VWC2: variants seen among roughly 807,000 people sequenced by gnomAD.
VWC2 encodes von Willebrand factor C domain containing 2, also known as brorin.
In VWC2, 14 loss-of-function variants were observed where a neutral mutation model predicts 29.8. That is an observed-to-expected ratio of 0.47 (90% CI 0.31 to 0.74). The LOEUF is 0.74. Among genes scored for constraint, VWC2 ranks in the 30% least tolerant of loss-of-function variants. VWC2 has a pLI of 0.05. For synonymous variants in VWC2, 213 were observed against 199.0 expected (o/e 1.07, Z -0.59); for missense variants, 457 against 459.8 (o/e 0.99, Z 0.05).
intron 3 of VWC2, among the ~76,000 whole-genome samples, chr7:49,892,031 A>ATTTTTTTTTTTT (rs536880676): frequency 1.9e-5 from 1 of 53,202 alleles, no homozygotes; most frequent in Non-Finnish European, 3.3e-5. Flanking sequence ...GACAAAGTAG[A>ATTTTTTTTTTTT]TTTTTTTTTT....
intron 2 of VWC2, among the ~76,000 whole-genome samples, chr7:49,802,399 A>T (rs1420896015): frequency 6.6e-6 from 1 of 152,156 alleles, no homozygotes; most frequent in Non-Finnish European, 1.5e-5. Flanking sequence ...GCACTTTGGG[A>T]GGCTGAGGCG....
intron 3 of VWC2, among the ~76,000 whole-genome samples, chr7:49,867,182 A>G (rs1191834972): frequency 6.6e-6 from 1 of 152,254 alleles, no homozygotes; most frequent in South Asian, 2.1e-4. Flanking sequence ...TTTCCCTTTC[A>G]GTCAACTTCA....
intron 3 of VWC2, among the ~76,000 whole-genome samples, chr7:49,904,080 G>A (rs1792946063): frequency 6.6e-6 from 1 of 152,096 alleles, no homozygotes; most frequent in Non-Finnish European, 1.5e-5. Flanking sequence ...TATACACATG[G>A]CTGGCAGAGA....
At chr7:49,820,302 TG>T (rs1248799491) in intron 3 of VWC2, among the ~76,000 whole-genome samples, 3 of 152,220 alleles carry the variant, frequency 2.0e-5, no homozygotes, top group Non-Finnish European at 4.4e-5. Flanking sequence ...ATGATTACCG[TG>T]GCAGCCCGCA....
At chr7:49,802,254 G>A (rs34962959) in intron 2 of VWC2, among the ~76,000 whole-genome samples, 16,724 of 152,204 alleles carry the variant, frequency 0.11, 987 homozygotes, top group African/African-American at 0.13. Context: ...CACCCAGCAT[G>A]CCTGTGTCCA....
intron 3 of VWC2, among the ~76,000 whole-genome samples, chr7:49,827,151 TAC>T (rs1332599102): frequency 6.6e-6 from 1 of 152,124 alleles, no homozygotes; most frequent in African/African-American, 2.4e-5. Flanking sequence ...ATTCTGTTAA[TAC>T]AGTTATGTCA....
chr7:49,839,918 C>T (rs1789754849), intron 3 of VWC2, among the ~76,000 whole-genome samples: 1 of 152,190 alleles, frequency 6.6e-6, no homozygotes, highest in Non-Finnish European at 1.5e-5. Flanking sequence ...TAGCTGTTTT[C>T]CCAAATGAAT....
At chr7:49,774,145 G>A (rs1415821235) in intron 1 of VWC2, 32 bp downstream of exon 1, 1 of 152,330 alleles carries the variant, frequency 6.6e-6, no homozygotes, top group African/African-American at 2.4e-5. Flanking sequence ...CTTCAGGGCT[G>A]AGGGTGCATG....
intron 3 of VWC2, among the ~76,000 whole-genome samples, chr7:49,820,367 C>T (rs113755842): frequency 2.5e-4 from 38 of 152,270 alleles, no homozygotes; most frequent in African/African-American, 8.4e-4. Flanking sequence ...ACTCTCCCCT[C>T]TGGCTCCCAT....
At chr7:49,830,894 A>C (rs1789511200) in intron 3 of VWC2, among the ~76,000 whole-genome samples, 1 of 152,148 alleles carries the variant, frequency 6.6e-6, no homozygotes, top group South Asian at 2.1e-4. Context: ...TATATGTGCC[A>C]CATTTTCTTA....
At chr7:49,792,210 G>A (rs1199834051) in intron 2 of VWC2, among the ~76,000 whole-genome samples, 1 of 152,180 alleles carries the variant, frequency 6.6e-6, no homozygotes, top group Non-Finnish European at 1.5e-5. Flanking sequence ...GATACCAGCG[G>A]ACGACTGTAA....
chr7:49,872,934 A>AAAAAAAAAAAAAAAAAAAAAAG (rs1554337537), intron 3 of VWC2, among the ~76,000 whole-genome samples: 1 of 148,592 alleles, frequency 6.7e-6, no homozygotes, highest in African/African-American at 2.5e-5. Flanking sequence ...AAAAAAAAAA[A>AAAAAAAAAAAAAAAAAAAAAAG]AAAGAAAGAA....
At chr7:49,905,756 T>C (rs990606660) in intron 3 of VWC2, among the ~76,000 whole-genome samples, 2 of 152,072 alleles carry the variant, frequency 1.3e-5, no homozygotes, top group Non-Finnish European at 2.9e-5. Context: ...AGTCACGAGA[T>C]AGGATGTTGG....
intron 3 of VWC2, among the ~76,000 whole-genome samples, chr7:49,893,998 G>A (rs1350114044): frequency 6.6e-6 from 1 of 152,146 alleles, no homozygotes; most frequent in Non-Finnish European, 1.5e-5. Flanking sequence ...GCTCCATGGG[G>A]GCTGTGTCAT....
chr7:49,797,776 A>G (rs1364933992), intron 2 of VWC2, among the ~76,000 whole-genome samples: 1 of 152,190 alleles, frequency 6.6e-6, no homozygotes, highest in Non-Finnish European at 1.5e-5. Flanking sequence ...TTTGGATCCA[A>G]CAAATTTTTC....
intron 2 of VWC2, among the ~76,000 whole-genome samples, chr7:49,793,355 T>G (rs1788509325): frequency 6.6e-6 from 1 of 152,036 alleles, no homozygotes; most frequent in Admixed American, 6.6e-5. Context: ...TTAATGAAAT[T>G]GAAGTGTACA....
At chr7:49,791,841 A>G (rs1375931118) in intron 2 of VWC2, among the ~76,000 whole-genome samples, 1 of 152,228 alleles carries the variant, frequency 6.6e-6, no homozygotes, top group Non-Finnish European at 1.5e-5. Context: ...TCAGTCTGTA[A>G]AAATCAAGCT....
chr7:49,843,660 G>T (rs1789851235), intron 3 of VWC2, among the ~76,000 whole-genome samples: 1 of 152,196 alleles, frequency 6.6e-6, no homozygotes, highest in Non-Finnish European at 1.5e-5. Context: ...TGTCCCAGAG[G>T]GCTAGAGTCC....
Position 49,775,636 on chromosome 7 carries a change from G to A in VWC2, c.201G>A (p.Arg67=). The A allele has an allele frequency of 1.3e-6, 2 of 1,529,736 alleles. No individual in the cohort carries two copies. The highest frequency in any genetic ancestry group is 1.8e-6 in the Non-Finnish European group (2 of 1,141,276). 94.8% of individuals were successfully genotyped at this position (1,529,736 alleles called of 1,614,324 possible). A position where few individuals can be genotyped will look rare whatever the true frequency, so the allele number is the denominator to read the frequency against. ...GRVNELGRPA[R]DEGGSGRDWK... is the part of the protein sequence containing the mutation. ...TGAACGAGCTCGGGCGCCCGGCGAG[G>A]GACGAGGGCGGCAGCGGCCGGGACT... The change falls in exon 2 of 4, where the codon AGG becomes AGA. Residue 67 remains arginine, a synonymous_variant. Coordinates refer to ENST00000340652, the MANE Select transcript of VWC2 (RefSeq NM_198570.5).
Sources: gnomAD v4.1 joint callset for allele counts (sites outside exome capture counted in the v4.1 genomes callset) on GRCh38, gnomAD v4.1.1 for gene constraint, MANE v1.5 for transcripts, NCBI Gene and HGNC (gene_info 2026-07-23, HGNC 2026-07-21) for gene names.